Variants in ITGA9 observed in about 807,000 individuals in gnomAD.
ITGA9 encodes the protein integrin subunit alpha 9.
In ITGA9, 56 loss-of-function variants were observed where a neutral mutation model predicts 127.8. The observed-to-expected ratio is 0.44, with a 90% CI of 0.35 to 0.55. The LOEUF (loss-of-function observed/expected upper bound fraction) is 0.55. ITGA9 is among the 20% of genes least tolerant of loss of function. The pLI is 0.00. For missense variants in ITGA9, 1,196 were observed against 1,347.1 expected, an observed-to-expected ratio of 0.89 and a Z score of 1.76; for synonymous variants, 508 against 514.5, an observed-to-expected ratio of 0.99 and a Z score of 0.17.
chr3:37,654,616 CCTTA>C (rs1700460072), intron 17 of ITGA9, among the ~76,000 whole-genome samples: 1 of 152,022 alleles, frequency 6.6e-6, no homozygotes, highest in Non-Finnish European at 1.5e-5. Flanking sequence ...ATAGTGTATC[CCTTA>C]CTTAAAACTA....
At chr3:37,780,314 C>T (rs757597706) in intron 25 of ITGA9, among the ~76,000 whole-genome samples, 1 of 152,180 alleles carries the variant, frequency 6.6e-6, no homozygotes, top group African/African-American at 2.4e-5. Flanking sequence ...CCTCACCCCC[C>T]TCCCACATTT....
At chr3:37,761,048 C>T (rs1276040359) in intron 23 of ITGA9, among the ~76,000 whole-genome samples, 2 of 152,106 alleles carry the variant, frequency 1.3e-5, no homozygotes, top group African/African-American at 4.8e-5. Flanking sequence ...CATCCCAGCA[C>T]TTTGGGAGGC....
chr3:37,626,761 C>T (rs1242223475), intron 15 of ITGA9, among the ~76,000 whole-genome samples: 1 of 152,146 alleles, frequency 6.6e-6, no homozygotes, highest in Non-Finnish European at 1.5e-5. Flanking sequence ...AAGAGCTTGG[C>T]CCAGTCTCTG....
In ITGA9 at chr3:37,519,282, G is replaced by A; in HGVS notation, c.1164G>A (p.Lys388=). Residue 388 remains lysine, a synonymous_variant, in exon 11 of 28, where the codon AAG becomes AAA. Coordinates refer to ENST00000264741, the MANE Select transcript of ITGA9 (RefSeq NM_002207.3). ...GFPDVAIGAP[K]EDDFAGAVYI... is the part of the protein sequence containing the mutation. ...CAGATGTGGCCATTGGTGCACCCAA[G>A]GAGGATGACTTCGCAGGGGCGGTCT... 1 of 1,614,130 alleles carries A rather than the reference G, an allele frequency of 6.2e-7. No individual in the cohort carries two copies. The highest frequency in any genetic ancestry group is 8.5e-7 in the Non-Finnish European group (1 of 1,179,994).
intron 18 of ITGA9, among the ~76,000 whole-genome samples, chr3:37,688,459 T>G (rs549530678): frequency 6.6e-6 from 1 of 152,172 alleles, no homozygotes; most frequent in South Asian, 2.1e-4. Flanking sequence ...TTAATAAAAA[T>G]AATCCCATAA....
rs756231047 is a variant in ITGA9, at chr3:37,818,855, C to T, written c.3010-36C>T. 4.6e-6 allele frequency: 7 copies of T among 1,528,500 alleles called. No individual in the cohort carries two copies. The South Asian group carries it at 7.8e-5, about 17-fold the overall frequency. 94.7% of individuals were successfully genotyped at this position (1,528,500 alleles called of 1,614,324 possible). On this transcript the variant is annotated intron_variant, in intron 27 of 27. Coordinates refer to ENST00000264741, the MANE Select transcript of ITGA9 (RefSeq NM_002207.3). ...GGTCACAATGGCTGATTCTTCAGCA[C>T]TTCTAACTCAGCTTCTCTTTCTTTC... is the stretch of plus-strand genomic sequence containing the variant.
At chr3:37,803,064 G>A (rs558115598) in intron 26 of ITGA9, among the ~76,000 whole-genome samples, 1 of 152,290 alleles carries the variant, frequency 6.6e-6, no homozygotes, top group South Asian at 2.1e-4. Context: ...CAGTCTACTG[G>A]GGAAACTGGC....
intron 17 of ITGA9, among the ~76,000 whole-genome samples, chr3:37,656,857 A>G (rs1027990820): frequency 2.6e-5 from 4 of 151,820 alleles, no homozygotes. Flanking sequence ...TTTTTGAGAT[A>G]TGTTCCATCA....
chr3:37,699,905 T>C (rs1292501493), intron 18 of ITGA9, among the ~76,000 whole-genome samples: 1 of 152,220 alleles, frequency 6.6e-6, no homozygotes, highest in African/African-American at 2.4e-5. Flanking sequence ...ATTAGAAATA[T>C]CCTACTACTC....
intron 15 of ITGA9, among the ~76,000 whole-genome samples, chr3:37,623,691 CTGTG>C (rs10581492): frequency 4.8e-4 from 72 of 149,134 alleles, no homozygotes; most frequent in Middle Eastern, 3.4e-3. Flanking sequence ...GTGTGTGTGT[CTGTG>C]TGTGTGTGTG....
intron 4 of ITGA9, among the ~76,000 whole-genome samples, chr3:37,489,317 A>G (rs1222342115): frequency 2.0e-5 from 3 of 152,268 alleles, no homozygotes; most frequent in Admixed American, 2.0e-4. Context: ...GAAGCAGATC[A>G]GAAGTTGGGA....
At chr3:37,628,200 C>G (rs1375324501) in intron 15 of ITGA9, among the ~76,000 whole-genome samples, 3 of 152,154 alleles carry the variant, frequency 2.0e-5, no homozygotes, top group Non-Finnish European at 4.4e-5. Flanking sequence ...GCTGTTTGAG[C>G]CACTTTCCTT....
At chr3:37,612,645 G>A (rs988505685) in intron 15 of ITGA9, among the ~76,000 whole-genome samples, 1 of 152,174 alleles carries the variant, frequency 6.6e-6, no homozygotes, top group African/African-American at 2.4e-5. Flanking sequence ...AATTCTCTTC[G>A]AGGTTAAGAA....
chr3:37,756,103 G>A (rs186690899), intron 23 of ITGA9, among the ~76,000 whole-genome samples: 1 of 150,932 alleles, frequency 6.6e-6, no homozygotes, highest in East Asian at 1.9e-4. Flanking sequence ...AAAAATCCAA[G>A]TACCAAATAA....
chr3:37,791,650 G>A (rs2125557046), intron 26 of ITGA9, among the ~76,000 whole-genome samples: 1 of 152,318 alleles, frequency 6.6e-6, no homozygotes, highest in African/African-American at 2.4e-5. Context: ...AAGGTTCAGT[G>A]ATACCAGCAT....
chr3:37,585,721 C>T (rs756296351), intron 15 of ITGA9: 7 of 490,392 alleles, frequency 1.4e-5, no homozygotes, highest in South Asian at 8.7e-5. Context: ...ACTTTATTTG[C>T]GAAGGGGTGG....
chr3:37,565,710 C>A (rs1310127307), intron 15 of ITGA9, among the ~76,000 whole-genome samples: 2 of 152,166 alleles, frequency 1.3e-5, no homozygotes, highest in African/African-American at 2.4e-5. Flanking sequence ...GCTCTCCCTG[C>A]CCCATCACAA....
chr3:37,773,426 G>A (rs1360167425), intron 23 of ITGA9, among the ~76,000 whole-genome samples: 1 of 152,224 alleles, frequency 6.6e-6, no homozygotes, highest in African/African-American at 2.4e-5. Flanking sequence ...AGGCTTTGGA[G>A]TGAAAAAGTG....
intron 26 of ITGA9, among the ~76,000 whole-genome samples, chr3:37,789,602 T>C (rs1242360759): frequency 2.3e-5 from 2 of 86,028 alleles, no homozygotes; most frequent in East Asian, 7.3e-4. Flanking sequence ...TACTAAAAAA[T>C]ACCAAAAAAA....
Sources: allele counts gnomAD v4.1 joint callset (sites outside exome capture counted in the v4.1 genomes callset), GRCh38; gene constraint gnomAD v4.1.1; transcripts MANE v1.5; gene names NCBI Gene and HGNC (gene_info 2026-07-23, HGNC 2026-07-21).